Variants in SETD5 observed in about 807,000 individuals in gnomAD.
SETD5 encodes SET domain containing 5, also known as histone-lysine N-methyltransferase SETD5.
SETD5 carries 44 observed loss-of-function variants against 153.3 expected under a neutral mutation model. The ratio of observed to expected loss-of-function variants is 0.29; its 90% CI spans 0.23 to 0.37. The LOEUF (loss-of-function observed/expected upper bound fraction) is 0.37, where lower values mean the gene tolerates loss of function less well. SETD5 is among the 10% of genes least tolerant of loss of function. SETD5 has a pLI of 1.00. For missense variants in SETD5, 1,544 were observed against 1,768.0 expected (o/e 0.87, Z 2.27); for synonymous variants, 716 against 645.2 (o/e 1.11, Z -1.66).
chr3:9,404,137 C>A (rs1010027045), intron 1 of SETD5, among the ~76,000 whole-genome samples: 3 of 152,144 alleles, frequency 2.0e-5, no homozygotes, highest in African/African-American at 7.2e-5. Context: ...TGCAATGTTA[C>A]TAAACTAGCC....
chr3:9,447,947 G>T lies in SETD5; in HGVS notation c.2044G>T (p.Val682Leu), dbSNP rs1286989784. Reference protein sequence around the residue: ...RPLTGSDPTVVSITGSHVNRA... With the variant: ...RPLTGSDPTVLSITGSHVNRA... ...ATTAACAGGGTCTGACCCAACTGTG[G>T]TGTCAATTACTGGATCCCATGTCAA... The change falls in exon 15 of 23, where the codon GTG (valine) becomes TTG (leucine). Residue 682 changes from valine to leucine, a missense_variant. Coordinates refer to ENST00000402198, the MANE Select transcript of SETD5 (RefSeq NM_001080517.3). 4 of 1,613,802 alleles carry T rather than the reference G, an allele frequency of 2.5e-6. No individual in the cohort carries two copies. The highest frequency in any genetic ancestry group is 2.5e-6 in the Non-Finnish European group (3 of 1,179,866).
intron 2 of SETD5, among the ~76,000 whole-genome samples, chr3:9,424,878 T>G (rs1291858587): frequency 6.6e-6 from 1 of 152,152 alleles, no homozygotes; most frequent in African/African-American, 2.4e-5. Context: ...TTGGGATTAT[T>G]AACAGAATTT....
intron 1 of SETD5, among the ~76,000 whole-genome samples, chr3:9,422,273 A>C (rs947394276): frequency 3.3e-5 from 5 of 152,184 alleles, no homozygotes; most frequent in African/African-American, 1.2e-4. Context: ...TTATCAGCAT[A>C]CCTTATATGT....
At position 9,435,813 on chromosome 3, in the gene SETD5, A is replaced by G; in HGVS notation, c.474A>G (p.Thr158=). 6.2e-7 allele frequency: 1 copy of G among 1,602,696 alleles called. No homozygotes were observed. Among genetic ancestry groups the G allele is most frequent in the East Asian group, 2.2e-5 (1 of 44,658 alleles). ...VLYTATQHTP[T]SITLTVRRTK... ...ATACAGCAACACAGCACACACCTAC[A>G]AGCATCACCTTAACTGTTAGAAGAA... is the stretch of plus-strand genomic sequence containing the variant. Residue 158 remains threonine (T), a synonymous_variant, in exon 7 of 23, where the codon ACA becomes ACG. Coordinates refer to ENST00000402198, the MANE Select transcript of SETD5 (RefSeq NM_001080517.3).
At chr3:9,419,432 AGTATGC>A (rs976423181) in intron 1 of SETD5, among the ~76,000 whole-genome samples, 1 of 152,164 alleles carries the variant, frequency 6.6e-6, no homozygotes, top group Non-Finnish European at 1.5e-5. Context: ...TGGGCATGGC[AGTATGC>A]GTCTGTGGTC....
intron 17 of SETD5, among the ~76,000 whole-genome samples, chr3:9,456,460 G>T (rs2043254681): frequency 6.8e-6 from 1 of 146,742 alleles, no homozygotes. Context: ...GTGACGGAGG[G>T]AGATTCTGTC....
intron 16 of SETD5, among the ~76,000 whole-genome samples, chr3:9,450,334 T>G (rs1208804423): frequency 6.6e-6 from 1 of 152,206 alleles, no homozygotes; most frequent in Non-Finnish European, 1.5e-5. Flanking sequence ...TATCTATGTG[T>G]CATGGTTAGT....
At chr3:9,399,336 A>G (rs2034344941) in intron 1 of SETD5, among the ~76,000 whole-genome samples, 1 of 152,174 alleles carries the variant, frequency 6.6e-6, no homozygotes, top group South Asian at 2.1e-4. Flanking sequence ...AGAAAGTTCT[A>G]AGTGGTAATT....
intron 21 of SETD5, 50 bp from the exon 22 acceptor site, chr3:9,475,018 C>T: frequency 6.7e-7 from 1 of 1,496,256 alleles, no homozygotes; most frequent in Non-Finnish European, 9.1e-7. Context: ...CTCTTTCTTA[C>T]TTATTCTAAG....
chr3:9,428,888 G>C lies in SETD5; in HGVS notation c.-51G>C. On this transcript the variant is annotated 5_prime_UTR_variant, in exon 3 of 23. Coordinates refer to ENST00000402198, the MANE Select transcript of SETD5 (RefSeq NM_001080517.3). ...CTCACCCCCACTCTCAGAGTGGTCA[G>C]TCTCCATTAATTGGACCCCGTGATT... The C allele has an allele frequency of 7.0e-7, 1 of 1,420,332 alleles. No homozygotes were observed. Among genetic ancestry groups the C allele is most frequent in the Non-Finnish European group, 9.9e-7 (1 of 1,013,128 alleles). 88.0% of individuals were successfully genotyped at this position (1,420,332 alleles called of 1,614,324 possible). A position where few individuals can be genotyped will look rare whatever the true frequency, so the allele number is the denominator to read the frequency against.
At position 9,473,546 on chromosome 3, in the gene SETD5, A is replaced by C. The variant is rs1224203491; in HGVS notation, c.3497+9A>C. 4 of 1,601,202 alleles carry C rather than the reference A, an allele frequency of 2.5e-6. No homozygotes were observed. In the South Asian group the frequency reaches 4.5e-5, roughly 18 times the overall value. ...AATATCAGCAGTAGGTGGTAAGTTT[A>C]TATTTGATGTTTTATAGTTAAATTG... On this transcript the variant is annotated intron_variant, in intron 20 of 22. Coordinates refer to ENST00000402198, the MANE Select transcript of SETD5 (RefSeq NM_001080517.3).
Position 9,428,807 on chromosome 3 carries a change from T to C in SETD5, c.-116-16T>C. 1 of 494,090 alleles carries C rather than the reference T, an allele frequency of 2.0e-6. No homozygotes were observed. 30.6% of individuals were successfully genotyped at this position (494,090 alleles called of 1,614,324 possible). The stretch of plus-strand genomic sequence containing the variant: ...TAGGTATTTATTTTACTAGATATTT[T>C]CCTTTTCTGTTACAGGATTCCTCAT... On this transcript the variant is annotated splice_polypyrimidine_tract_variant and intron_variant, in intron 2 of 22. Transcript: ENST00000402198.
chr3:9,452,992 T>A (rs2042807047), intron 16 of SETD5, among the ~76,000 whole-genome samples: 1 of 152,170 alleles, frequency 6.6e-6, no homozygotes, highest in African/African-American at 2.4e-5. Flanking sequence ...ATAATCTTAT[T>A]ATCCTAATCT....
intron 18 of SETD5, among the ~76,000 whole-genome samples, chr3:9,465,351 T>C (rs748909879): frequency 3.9e-5 from 6 of 152,324 alleles, no homozygotes; most frequent in African/African-American, 7.2e-5. Context: ...TGAATCACTT[T>C]AGTGTTCAGG....
At chr3:9,430,711 A>G in intron 3 of SETD5, 1 of 549,638 alleles carries the variant, frequency 1.8e-6, no homozygotes. Flanking sequence ...ATTGCTGGAT[A>G]AAAGACCCAG....
intron 19 of SETD5, among the ~76,000 whole-genome samples, chr3:9,472,393 A>G (rs1204902843): frequency 6.6e-6 from 1 of 152,116 alleles, no homozygotes; most frequent in Non-Finnish European, 1.5e-5. Flanking sequence ...GAGAAGGTGT[A>G]CTAGGCAGGG....
chr3:9,442,003 T>A (rs1470613623), intron 9 of SETD5, 125 bp from the exon 10 acceptor site: 4 of 748,208 alleles, frequency 5.3e-6, no homozygotes, highest in African/African-American at 5.3e-5. Flanking sequence ...AACGTGATGC[T>A]TTCCCAAGTT....
rs1559328452 is a variant in SETD5 at position 9,397,654 on chromosome 3, C to CGCCGCCGCCGCT, written c.-489_-488insTGCCGCCGCCGC. The CGCCGCCGCCGCT allele has an allele frequency of 1.1e-4, 1 of 8,968 alleles. No individual in the cohort carries two copies. The highest frequency in any genetic ancestry group is 6.4e-4 in the Non-Finnish European group (1 of 1,572). 0.6% of individuals were successfully genotyped at this position (8,968 alleles called of 1,614,324 possible). A position where few individuals can be genotyped will look rare whatever the true frequency, so the allele number is the denominator to read the frequency against. ...TCGGGCAGCGGGCTGAGTGAGCTGC[C>CGCCGCCGCCGCT]GCCGCCGCCGCCGCCGCCGCCGCCG... On this transcript the variant is annotated 5_prime_UTR_variant, in exon 1 of 23. Transcript: ENST00000402198.
At chr3:9,415,584 T>C (rs1194629189) in intron 1 of SETD5, among the ~76,000 whole-genome samples, 2 of 152,192 alleles carry the variant, frequency 1.3e-5, no homozygotes, top group African/African-American at 4.8e-5. Flanking sequence ...TTTATTATTA[T>C]TATTTTTTTA....
Sources: gnomAD v4.1 joint callset for allele counts (sites outside exome capture counted in the v4.1 genomes callset) on GRCh38, gnomAD v4.1.1 for gene constraint, MANE v1.5 for transcripts, NCBI Gene and HGNC (gene_info 2026-07-23, HGNC 2026-07-21) for gene names.